The following DAGLB variants were observed in gnomAD, a reference collection of about 807,000 sequenced individuals.
DAGLB encodes the protein diacylglycerol lipase beta.
Under a neutral mutation model 72.1 loss-of-function variants are expected in DAGLB, and 66 were observed. That is an observed-to-expected ratio of 0.92 (90% CI 0.75 to 1.12). The LOEUF (loss-of-function observed/expected upper bound fraction) is 1.12, where lower values mean the gene tolerates loss of function less well. Ranked by LOEUF, DAGLB falls within the 50% of genes most tolerant of loss-of-function variation. The pLI is 0.00. For missense variants in DAGLB, 1,065 were observed against 884.9 expected, an observed-to-expected ratio of 1.20 and a Z score of -2.58; for synonymous variants, 414 against 359.5, an observed-to-expected ratio of 1.15 and a Z score of -1.71.
intron 2 of DAGLB, among the ~76,000 whole-genome samples, chr7:6,441,342 C>G (rs555908173): frequency 1.9e-4 from 29 of 151,730 alleles, no homozygotes; most frequent in African/African-American, 6.8e-4. Context: ...TCGCCCGCCT[C>G]GGCCTCCCAA....
At chr7:6,432,395 C>T (rs1293536518) in intron 5 of DAGLB, among the ~76,000 whole-genome samples, 2 of 147,362 alleles carry the variant, frequency 1.4e-5, no homozygotes, top group Admixed American at 6.8e-5. Flanking sequence ...CGGTGGCTCA[C>T]GCCTGTAATC....
intron 13 of DAGLB, among the ~76,000 whole-genome samples, chr7:6,411,671 GC>G (rs1783732989): frequency 6.6e-6 from 1 of 152,070 alleles, no homozygotes; most frequent in Non-Finnish European, 1.5e-5. Flanking sequence ...AATTTAAATT[GC>G]GTTTCTTCTT....
chr7:6,420,435 A>G (rs1310903068), intron 9 of DAGLB, among the ~76,000 whole-genome samples: 3 of 124,818 alleles, frequency 2.4e-5, no homozygotes, highest in Non-Finnish European at 3.1e-5. Flanking sequence ...GCAAGACTCC[A>G]TCTCAAAAAA....
At chr7:6,437,622 G>GT (rs1357893387) in intron 2 of DAGLB, among the ~76,000 whole-genome samples, 2 of 151,784 alleles carry the variant, frequency 1.3e-5, no homozygotes, top group African/African-American at 4.8e-5. Flanking sequence ...ATAGACAGTT[G>GT]TTTTTTTGTG....
intron 6 of DAGLB, among the ~76,000 whole-genome samples, chr7:6,426,905 C>T (rs1245841306): frequency 6.6e-6 from 1 of 152,076 alleles, no homozygotes; most frequent in African/African-American, 2.4e-5. Flanking sequence ...GTCAGGAGTT[C>T]GAGACCAGTC....
At chr7:6,427,377 G>A (rs1039816375) in intron 6 of DAGLB, among the ~76,000 whole-genome samples, 10 of 152,174 alleles carry the variant, frequency 6.6e-5, no homozygotes, top group African/African-American at 2.4e-4. Context: ...AGGGCCAGGA[G>A]ACTGACACCC....
At chr7:6,411,849 C>T (rs971647531) in intron 13 of DAGLB, among the ~76,000 whole-genome samples, 2 of 152,150 alleles carry the variant, frequency 1.3e-5, no homozygotes, top group African/African-American at 4.8e-5. Context: ...TGCCATGAGT[C>T]ATATCTCTTA....
chr7:6,420,512 C>T (rs1784078048), intron 9 of DAGLB, among the ~76,000 whole-genome samples: 1 of 151,784 alleles, frequency 6.6e-6, no homozygotes, highest in Non-Finnish European at 1.5e-5. Flanking sequence ...CTGTGGGGTT[C>T]CCAGAAGAGA....
rs187550551 is a variant in DAGLB at position 6,432,219 on chromosome 7, G to T, written c.801+618C>A. On this transcript the variant is annotated intron_variant, in intron 5 of 14. Transcript: ENST00000297056. Reference sequence around the variant, plus strand: ...TACAAAAAATTAGCTGAGTGTGATGGTATGCGCCTGTAATCCCAGCTACTC... The same window carrying T: ...TACAAAAAATTAGCTGAGTGTGATGTTATGCGCCTGTAATCCCAGCTACTC... Among the ~76,000 whole-genome samples the T allele has an allele frequency of 2.3e-3, 348 of 152,230 alleles. 2 individuals are homozygous for T. The highest frequency in any genetic ancestry group is 3.5e-3 in the Non-Finnish European group (237 of 68,018).
At position 6,410,340 on chromosome 7, in the gene DAGLB, C is replaced by CCAAA. The variant is rs771132890; in HGVS notation, c.1606_1609dup (p.Gly537ValfsTer82). 1 of 1,613,978 alleles carries CCAAA rather than the reference C, an allele frequency of 6.2e-7. No individual in the cohort carries two copies. Among genetic ancestry groups the CCAAA allele is most frequent in the South Asian group, 1.1e-5 (1 of 91,056 alleles). On this transcript the variant is annotated frameshift_variant, in exon 14 of 15. Coordinates refer to ENST00000297056, the MANE Select transcript of DAGLB (RefSeq NM_139179.4). LOFTEE classifies it high-confidence loss of function. The stretch of plus-strand genomic sequence containing the variant: ...CGTGGGCAAGTTGTTGGGGTTTCCT[C>CCAAA]CAAACAGTTCGTACCACAAACCGTG...
At chr7:6,428,334 AAG>A (rs1554267335) in intron 6 of DAGLB, among the ~76,000 whole-genome samples, 2 of 144,446 alleles carry the variant, frequency 1.4e-5, no homozygotes, top group African/African-American at 2.6e-5. Context: ...AAAAAAAAAA[AAG>A]AAAGAAAGAA....
intron 7 of DAGLB, among the ~76,000 whole-genome samples, chr7:6,425,158 C>T (rs1784264000): frequency 6.6e-6 from 1 of 152,252 alleles, no homozygotes; most frequent in Admixed American, 6.5e-5. Flanking sequence ...TTCTACTGGG[C>T]AGCAAAGTGG....
chr7:6,447,872 G>A lies in DAGLB; in HGVS notation c.-30C>T. On this transcript the variant is annotated 5_prime_UTR_variant, in exon 1 of 15. Coordinates refer to ENST00000297056, the MANE Select transcript of DAGLB (RefSeq NM_139179.4). ...AAGGTCCCGTAGCTCGCACTCAGGA[G>A]AGACCCCGCGCGCCGTTCACCGAGA... 2 of 1,581,902 alleles carry A rather than the reference G, an allele frequency of 1.3e-6. No homozygotes were observed. Among genetic ancestry groups the A allele is most frequent in the Non-Finnish European group, 1.7e-6 (2 of 1,167,278 alleles).
chr7:6,425,942 C>T, intron 7 of DAGLB, 46 bp downstream of exon 7: 2 of 1,607,980 alleles, frequency 1.2e-6, no homozygotes, highest in Non-Finnish European at 1.7e-6. Flanking sequence ...TCTAACAGCT[C>T]CAGGACCCAA....
At chr7:6,435,865 T>C (rs1784638638) in intron 3 of DAGLB, among the ~76,000 whole-genome samples, 1 of 152,206 alleles carries the variant, frequency 6.6e-6, no homozygotes, top group Admixed American at 6.5e-5. Flanking sequence ...ATTCCTTATT[T>C]AGAACAGAGG....
intron 2 of DAGLB, among the ~76,000 whole-genome samples, chr7:6,439,413 C>T (rs993913403): frequency 6.6e-6 from 1 of 152,166 alleles, no homozygotes; most frequent in Non-Finnish European, 1.5e-5. Context: ...ATGTAATGTC[C>T]TCACCACTGT....
intron 7 of DAGLB, among the ~76,000 whole-genome samples, chr7:6,425,289 T>G (rs1268217866): frequency 3.9e-5 from 6 of 152,156 alleles, no homozygotes; most frequent in African/African-American, 1.4e-4. Flanking sequence ...CTTTTTTTTT[T>G]GAGATGGCAT....
chr7:6,435,112 G>C, intron 3 of DAGLB, 92 bp from the exon 4 acceptor site: 1 of 1,542,130 alleles, frequency 6.5e-7, no homozygotes, highest in African/African-American at 1.4e-5. Flanking sequence ...CAGTTTCTGA[G>C]TCTCTACCAC....
chr7:6,447,014 A>T (rs1444832891), intron 1 of DAGLB, among the ~76,000 whole-genome samples: 5 of 152,052 alleles, frequency 3.3e-5, no homozygotes, highest in Admixed American at 3.3e-4. Flanking sequence ...TGTCTCAAAA[A>T]AATAAAAAGA....
Sources: allele counts gnomAD v4.1 joint callset (sites outside exome capture counted in the v4.1 genomes callset), GRCh38; gene constraint gnomAD v4.1.1; transcripts MANE v1.5; gene names NCBI Gene and HGNC (gene_info 2026-07-23, HGNC 2026-07-21).